MGA: variants seen among roughly 807,000 people sequenced by gnomAD.
MGA encodes the protein MAX gene-associated protein.
Under a neutral mutation model 261.1 loss-of-function variants are expected in MGA, and 40 were observed. The observed-to-expected ratio is 0.15, with a 90% CI of 0.12 to 0.20. The LOEUF is 0.20. Ranked by LOEUF, MGA falls within the 10% of genes least tolerant of loss-of-function variation. The probability of loss-of-function intolerance (pLI) is 1.00; values close to 1 mark genes in which losing one functional copy is unlikely to be tolerated. For synonymous variants in MGA, 1,302 were observed against 1,290.6 expected, an observed-to-expected ratio of 1.01 and a Z score of -0.19; for missense variants, 3,397 against 3,630.5, an observed-to-expected ratio of 0.94 and a Z score of 1.65.
intron 1 of MGA, among the ~76,000 whole-genome samples, chr15:41,649,969 C>T (rs914254267): frequency 3.3e-5 from 5 of 152,190 alleles, no homozygotes; most frequent in Non-Finnish European, 2.9e-5. Flanking sequence ...GCGTGAGCCA[C>T]CGCGCCCAGC....
rs904762147 is a variant in MGA at position 41,764,932 on chromosome 15, G to C, written c.7791G>C (p.Val2597=). 1.9e-6 allele frequency: 3 copies of C among 1,613,902 alleles called. No homozygotes were observed. The highest frequency in any genetic ancestry group is 1.7e-5 in the Admixed American group (1 of 60,010). ...CTCCACACACCTCTGCCAACCTTGT[G>C]ATGACTCCGCAAGGGCAATTGCTCA... Residue 2597 remains valine, a synonymous_variant, in exon 23 of 24, where the codon GTG becomes GTC. Coordinates refer to ENST00000219905, the MANE Select transcript of MGA (RefSeq NM_001164273.2).
intron 2 of MGA, among the ~76,000 whole-genome samples, chr15:41,679,182 C>T (rs556660322): frequency 3.5e-4 from 53 of 151,982 alleles, no homozygotes; most frequent in Middle Eastern, 3.4e-3. Flanking sequence ...ACTACAGGTG[C>T]GCACCACTGT....
At chr15:41,654,581 T>C (rs978510703) in intron 1 of MGA, among the ~76,000 whole-genome samples, 18 of 152,218 alleles carry the variant, frequency 1.2e-4, no homozygotes, top group Admixed American at 6.5e-5. Context: ...GCTTCTTTCA[T>C]ATGCATTTGT....
At chr15:41,737,221 T>C (rs1440521992) in intron 13 of MGA, among the ~76,000 whole-genome samples, 1 of 152,124 alleles carries the variant, frequency 6.6e-6, no homozygotes, top group African/African-American at 2.4e-5. Flanking sequence ...CCTCCTGGGT[T>C]CAAGCAATTC....
intron 22 of MGA, among the ~76,000 whole-genome samples, chr15:41,764,339 CGCCTCCCAGG>C (rs1483433582): frequency 6.6e-6 from 1 of 150,750 alleles, no homozygotes; most frequent in Non-Finnish European, 1.5e-5. Flanking sequence ...CTGCCAGCTC[CGCCTCCCAGG>C]TTCACGCCAT....
intron 1 of MGA, among the ~76,000 whole-genome samples, chr15:41,629,125 A>G (rs1376844691): frequency 6.6e-6 from 1 of 151,444 alleles, no homozygotes; most frequent in African/African-American, 2.4e-5. Context: ...AAAAAAAAAA[A>G]AGAAGCCATT....
chr15:41,736,889 T>G (rs923706492), intron 13 of MGA, among the ~76,000 whole-genome samples, 191 bp downstream of exon 13: 1 of 152,216 alleles, frequency 6.6e-6, no homozygotes, highest in Non-Finnish European at 1.5e-5. Flanking sequence ...TTGTCACATT[T>G]ATGAACAGAA....
chr15:41,680,646 G>A (rs1253681694), intron 2 of MGA, among the ~76,000 whole-genome samples: 3 of 152,188 alleles, frequency 2.0e-5, no homozygotes, highest in African/African-American at 7.2e-5. Flanking sequence ...AAGAATACAA[G>A]TTAGGACCAG....
At chr15:41,745,421 A>G (rs1300264132) in intron 15 of MGA, among the ~76,000 whole-genome samples, 2 of 151,428 alleles carry the variant, frequency 1.3e-5, no homozygotes, top group African/African-American at 2.4e-5. Flanking sequence ...GTTAGCTACT[A>G]TATATTCTGA....
chr15:41,677,457 A>G (rs764890484), intron 2 of MGA, among the ~76,000 whole-genome samples: 2 of 152,188 alleles, frequency 1.3e-5, no homozygotes, highest in Non-Finnish European at 2.9e-5. Context: ...TCTTTCGGGT[A>G]TATACCTAGA....
chr15:41,749,551 A>C lies in MGA; in HGVS notation c.5944A>C (p.Asn1982His), dbSNP rs186995408. The change falls in exon 17 of 24, where the codon AAC becomes CAC. Residue 1982 changes from asparagine (N) to histidine (H), a missense_variant. Asn to His is a moderately conservative substitution (Grantham distance 68). Coordinates refer to ENST00000219905, the MANE Select transcript of MGA (RefSeq NM_001164273.2). ...GAATCCAGACCAGAAAGATGAAACA[A>C]ACTCAATAAAAAGAGAGCAAGAAAC... is the stretch of plus-strand genomic sequence containing the variant. 2.5e-6 allele frequency: 4 copies of C among 1,613,984 alleles called. No individual in the cohort carries two copies. In the Admixed American group the frequency reaches 6.7e-5, roughly 27 times the overall value.
At chr15:41,689,771 G>A (rs984842832) in intron 2 of MGA, among the ~76,000 whole-genome samples, 2 of 151,954 alleles carry the variant, frequency 1.3e-5, no homozygotes, top group African/African-American at 4.8e-5. Flanking sequence ...TTGCCATGTA[G>A]GCCAGGCTGG....
intron 2 of MGA, among the ~76,000 whole-genome samples, chr15:41,683,117 T>A (rs1049218820): frequency 3.3e-5 from 5 of 152,208 alleles, no homozygotes; most frequent in Admixed American, 6.5e-5. Flanking sequence ...GTGATTTGAA[T>A]GTAACCTTGC....
At chr15:41,740,320 C>T (rs1040161351) in intron 14 of MGA, 117 bp downstream of exon 14, 5 of 1,156,572 alleles carry the variant, frequency 4.3e-6, no homozygotes, top group East Asian at 2.6e-5. Flanking sequence ...TATTCTTATT[C>T]TTGTTGTCTG....
chr15:41,720,123 A>G (rs2060860641), intron 9 of MGA, among the ~76,000 whole-genome samples: 1 of 152,228 alleles, frequency 6.6e-6, no homozygotes, highest in African/African-American at 2.4e-5. Flanking sequence ...AACCAGGTCA[A>G]TCTTGAAGAA....
intron 13 of MGA, among the ~76,000 whole-genome samples, chr15:41,736,931 T>G (rs2061812844): frequency 6.6e-6 from 1 of 152,190 alleles, no homozygotes; most frequent in African/African-American, 2.4e-5. Flanking sequence ...TTAATTTTCT[T>G]TCTAATCTTC....
intron 16 of MGA, 41 bp from the exon 17 acceptor site, chr15:41,749,070 C>T: frequency 6.4e-7 from 1 of 1,574,534 alleles, no homozygotes; most frequent in Non-Finnish European, 8.6e-7. Context: ...TTGATATGGG[C>T]AGTCATGATT....
chr15:41,663,335 G>T lies in MGA; in HGVS notation c.-68+2810G>T, dbSNP rs561223389. Among the ~76,000 whole-genome samples the T allele has an allele frequency of 2.0e-5, 3 of 152,128 alleles. No homozygotes were observed. In the East Asian group the frequency reaches 5.8e-4, roughly 29 times the overall value. On this transcript the variant is annotated intron_variant, in intron 1 of 23. Transcript: ENST00000219905. ...AAAAAAAATTTGATGTTGAAAAGCCGAATTGAAAGTTTTTGAATGTTAAGG... is the reference window on the plus strand; with the variant it reads ...AAAAAAAATTTGATGTTGAAAAGCCTAATTGAAAGTTTTTGAATGTTAAGG...
intron 1 of MGA, among the ~76,000 whole-genome samples, chr15:41,627,881 A>G (rs890657242): frequency 1.3e-5 from 2 of 152,248 alleles, no homozygotes; most frequent in Non-Finnish European, 2.9e-5. Flanking sequence ...CAAAGGTAGG[A>G]AAGGAATTAT....
Sources: allele counts gnomAD v4.1 joint callset (sites outside exome capture counted in the v4.1 genomes callset), GRCh38; gene constraint gnomAD v4.1.1; transcripts MANE v1.5; gene names NCBI Gene and HGNC (gene_info 2026-07-23, HGNC 2026-07-21).